Variants in RIMKLB observed in about 807,000 individuals in gnomAD.
RIMKLB encodes ribosomal modification protein rimK like family member B.
Under a neutral mutation model 32.0 loss-of-function variants are expected in RIMKLB, and 7 were observed. The ratio of observed to expected loss-of-function variants is 0.22; its 90% CI spans 0.12 to 0.41. The LOEUF (loss-of-function observed/expected upper bound fraction) is 0.41, where lower values mean the gene tolerates loss of function less well. Ranked by LOEUF, RIMKLB falls within the 10% of genes least tolerant of loss-of-function variation. The pLI is 1.00. For synonymous variants in RIMKLB, 172 were observed against 185.1 expected, an observed-to-expected ratio of 0.93 and a Z score of 0.57; for missense variants, 289 against 498.7, an observed-to-expected ratio of 0.58 and a Z score of 4.00.
Position 8,776,975 on chromosome 12 carries a change from T to C in RIMKLB, c.*3191T>C. On this transcript the variant is annotated 3_prime_UTR_variant, in exon 6 of 6. Coordinates refer to ENST00000535829, the MANE Select transcript of RIMKLB (RefSeq NM_001297776.2). ...TTAGAGACATTGTGAAATCAAATCTTGTGTTATACTTTTCTCCTGGCTCAC... is the reference window on the plus strand; with the variant it reads ...TTAGAGACATTGTGAAATCAAATCTCGTGTTATACTTTTCTCCTGGCTCAC... 1.0e-6 allele frequency: 1 copy of C among 985,846 alleles called. No homozygotes were observed. Among genetic ancestry groups the C allele is most frequent in the Non-Finnish European group, 1.2e-6 (1 of 829,926 alleles). The allele number at this position is 985,846 out of a possible 1,614,324, so 61.1% of individuals were successfully genotyped here.
intron 2 of RIMKLB, among the ~76,000 whole-genome samples, chr12:8,728,765 G>T (rs1318854774): frequency 7.4e-6 from 1 of 135,900 alleles, no homozygotes; most frequent in Non-Finnish European, 1.5e-5. Flanking sequence ...TCTGCTAATT[G>T]TGTGTGTGTG....
chr12:8,735,843 G>C (rs1323968498), intron 2 of RIMKLB, among the ~76,000 whole-genome samples: 4 of 151,914 alleles, frequency 2.6e-5, no homozygotes, highest in African/African-American at 9.7e-5. Context: ...GAATTCTCCT[G>C]CCTCAGCCTC....
In RIMKLB at chr12:8,698,245, G is replaced by C; in HGVS notation, c.-109G>C. 5.3e-6 allele frequency: 2 copies of C among 375,692 alleles called. No homozygotes were observed. Among genetic ancestry groups the C allele is most frequent in the South Asian group, 1.8e-5 (1 of 56,502 alleles). 23.3% of individuals were successfully genotyped at this position (375,692 alleles called of 1,614,324 possible). ...GCCCGGCGGCCCGCGCTTCCTCGAA[G>C]GCCCCAGCCCGGCTCAGTCGGCCGA... On this transcript the variant is annotated 5_prime_UTR_variant, in exon 1 of 6. Transcript: ENST00000535829.
rs772686191 is a variant in RIMKLB at position 8,688,039 on chromosome 12, T to G, written n.219+6221T>G. ...CTTATGAAAGGGGTGGAGAATGCACTGCCTGTGTATGCTGCAAGACCTTTC... is the reference window on the plus strand; with the variant it reads ...CTTATGAAAGGGGTGGAGAATGCACGGCCTGTGTATGCTGCAAGACCTTTC... On this transcript the variant is annotated intron_variant and non_coding_transcript_variant, in intron 1 of 1. Coordinates refer to the RIMKLB transcript ENST00000538758. Among the ~76,000 whole-genome samples, 88 of 152,314 alleles carry G rather than the reference T, an allele frequency of 5.8e-4. No individual in the cohort carries two copies. In the South Asian group the frequency reaches 0.011, roughly 20 times the overall value.
rs893905132 is a variant in RIMKLB at position 8,752,291 on chromosome 12, G to A, written c.493+248G>A. Reference sequence around the variant, plus strand: ...TATCTTCCTCAATAATGTAAAGACCGCCCGTAATCCCAGCACTTTGGGAGG... The same window carrying A: ...TATCTTCCTCAATAATGTAAAGACCACCCGTAATCCCAGCACTTTGGGAGG... On this transcript the variant is annotated intron_variant, in intron 4 of 5. Coordinates refer to ENST00000535829, the MANE Select transcript of RIMKLB (RefSeq NM_001297776.2). Among the ~76,000 whole-genome samples, 7 of 152,206 alleles carry A rather than the reference G, an allele frequency of 4.6e-5. No individual in the cohort carries two copies. In the East Asian group the frequency reaches 1.4e-3, roughly 29 times the overall value.
chr12:8,704,907 C>T (rs1360453023), intron 1 of RIMKLB, among the ~76,000 whole-genome samples: 1 of 151,548 alleles, frequency 6.6e-6, no homozygotes, highest in African/African-American at 2.4e-5. Context: ...ATTATTTGAG[C>T]CCAAGATTGA....
intron 2 of RIMKLB, among the ~76,000 whole-genome samples, chr12:8,728,791 TTG>T (rs1324014842): frequency 4.1e-4 from 58 of 141,098 alleles, no homozygotes; most frequent in African/African-American, 9.2e-4. Context: ...GTGTGTGTTT[TTG>T]TTTGTTTGTT....
chr12:8,731,396 C>T (rs1290618221), intron 2 of RIMKLB, among the ~76,000 whole-genome samples: 1 of 152,002 alleles, frequency 6.6e-6, no homozygotes, highest in African/African-American at 2.4e-5. Flanking sequence ...CTGCCCTGGG[C>T]CTCCTTTCAC....
intron 1 of RIMKLB, among the ~76,000 whole-genome samples, chr12:8,703,677 C>T (rs894295921): frequency 6.6e-6 from 1 of 152,136 alleles, no homozygotes; most frequent in African/African-American, 2.4e-5. Flanking sequence ...GCTTCAGACT[C>T]CCAAAGTACT....
At chr12:8,744,382 T>C (rs2137581073) in intron 2 of RIMKLB, among the ~76,000 whole-genome samples, 1 of 152,022 alleles carries the variant, frequency 6.6e-6, no homozygotes. Flanking sequence ...TGGCAACAGA[T>C]AGGCTGTTTA....
rs1409996396 is a variant in RIMKLB, at chr12:8,718,651, CTCTA to C, written c.175+4612_175+4615del. 4.1e-3 allele frequency among the ~76,000 whole-genome samples: 399 copies of C among 98,404 alleles called. 4 individuals are homozygous for C. Among genetic ancestry groups the C allele is most frequent in the African/African-American group, 0.015 (374 of 25,574 alleles). The allele number at this position is 98,404 out of a possible 152,430, so 64.6% of individuals were successfully genotyped here. On this transcript the variant is annotated intron_variant, in intron 2 of 5. Transcript: ENST00000535829. ...AGCGAGACTCCGTCTCTCTCTCTCTCTCTATATATATATATATATGTGTGTGTGT... is the reference window on the plus strand; with the variant it reads ...AGCGAGACTCCGTCTCTCTCTCTCTCTATATATATATATATGTGTGTGTGT...
At chr12:8,747,367 T>TTG (rs1948194520) in intron 2 of RIMKLB, among the ~76,000 whole-genome samples, 1 of 152,174 alleles carries the variant, frequency 6.6e-6, no homozygotes. Flanking sequence ...TGCTCTGCCT[T>TTG]ACATTTGAAT....
downstream of RIMKLB, chr12:8,779,437 CG>C (rs1950910664): frequency 6.6e-6 from 1 of 152,130 alleles, no homozygotes; most frequent in Non-Finnish European, 1.5e-5. Flanking sequence ...TCCGTGGGAA[CG>C]GCGCAGTCCT....
At chr12:8,734,862 A>G (rs889706807) in intron 2 of RIMKLB, among the ~76,000 whole-genome samples, 10 of 152,188 alleles carry the variant, frequency 6.6e-5, no homozygotes, top group Non-Finnish European at 1.5e-4. Context: ...CCAAGAGGCA[A>G]ACTGAATTCT....
intron 1 of RIMKLB, among the ~76,000 whole-genome samples, chr12:8,711,467 G>C (rs995966325): frequency 2.0e-5 from 3 of 151,932 alleles, no homozygotes; most frequent in Admixed American, 6.6e-5. Context: ...CACGGACATA[G>C]CTTCAGAGTG....
At chr12:8,699,549 C>G (rs1046682846) in intron 1 of RIMKLB, among the ~76,000 whole-genome samples, 3 of 152,080 alleles carry the variant, frequency 2.0e-5, no homozygotes, top group Non-Finnish European at 4.4e-5. Context: ...TAAAAATAAT[C>G]ATAGTTAAAT....
At chr12:8,738,740 C>T (rs757149874) in intron 2 of RIMKLB, among the ~76,000 whole-genome samples, 2 of 152,134 alleles carry the variant, frequency 1.3e-5, no homozygotes, top group Non-Finnish European at 1.5e-5. Flanking sequence ...AGTGATACCC[C>T]CCGTCCCCCA....
At chr12:8,670,026 CAAAAAAAAAAA>C in the RIMKLB span, among the ~76,000 whole-genome samples, 9 of 36,944 alleles carry the variant, frequency 2.4e-4, no homozygotes, top group Non-Finnish European at 5.1e-4. Flanking sequence ...GACTCCGTCT[CAAAAAAAAAAA>C]AAAAAAAAAA....
At chr12:8,778,351 G>A (rs757012646), downstream of RIMKLB, among the ~76,000 whole-genome samples, 4 of 152,256 alleles carry the variant, frequency 2.6e-5, no homozygotes, top group South Asian at 2.1e-4. Context: ...ATAGTAAGAC[G>A]AAGATAATAC....
Sources: gnomAD v4.1 joint callset for allele counts (sites outside exome capture counted in the v4.1 genomes callset) on GRCh38, gnomAD v4.1.1 for gene constraint, MANE v1.5 for transcripts, NCBI Gene and HGNC (gene_info 2026-07-23, HGNC 2026-07-21) for gene names.